DPP6: variants seen among roughly 807,000 people sequenced by gnomAD.
DPP6 encodes the protein A-type potassium channel modulatory protein DPP6.
A neutral mutation model predicts 122.6 loss-of-function variants in DPP6; 69 were observed. The observed-to-expected ratio is 0.56, with a 90% confidence interval of 0.46 to 0.69. The LOEUF (loss-of-function observed/expected upper bound fraction) is 0.69. Ranked by LOEUF, DPP6 falls within the 30% of genes least tolerant of loss-of-function variation. The pLI, the probability that DPP6 is intolerant of heterozygous loss-of-function variation, is 0.00. For synonymous variants in DPP6, 418 were observed against 433.1 expected, an observed-to-expected ratio of 0.97 and a Z score of 0.43; for missense variants, 928 against 1,116.9, an observed-to-expected ratio of 0.83 and a Z score of 2.41.
chr7:154,887,479 G>A (rs949302126), intron 22 of DPP6, among the ~76,000 whole-genome samples, 197 bp from the exon 23 acceptor site: 1 of 152,134 alleles, frequency 6.6e-6, no homozygotes, highest in Non-Finnish European at 1.5e-5. Flanking sequence ...CCGTTGTACC[G>A]CCTGATGCCC....
At chr7:154,209,550 A>C (rs901908866) in intron 1 of DPP6, among the ~76,000 whole-genome samples, 1 of 97,626 alleles carries the variant, frequency 1.0e-5, no homozygotes, top group Admixed American at 1.2e-4. Context: ...AGTTAAAAAA[A>C]AAAAACAAAA....
chr7:153,848,771 C>T, the DPP6 span, among the ~76,000 whole-genome samples: 1 of 152,122 alleles, frequency 6.6e-6, no homozygotes, highest in Non-Finnish European at 1.5e-5. Context: ...TATATCAATC[C>T]TTTAAGGTTT....
Position 153,920,084 on chromosome 7 carries a change from G to A in DPP6, c.51+32350G>A, listed in dbSNP as rs1484766136. ...ATGTACCTCATGGAAATCAAGTGAG[G>A]TAATGCAAAGAACATGAAATCCACA... On this transcript the variant is annotated intron_variant, in intron 1 of 25. Coordinates refer to the DPP6 transcript ENST00000404039. 2.0e-5 allele frequency among the ~76,000 whole-genome samples: 3 copies of A among 152,314 alleles called. No individual in the cohort carries two copies. In the South Asian group the frequency reaches 6.2e-4, roughly 32 times the overall value.
chr7:153,750,036 G>A, the DPP6 span, among the ~76,000 whole-genome samples: 5,491 of 144,330 alleles, frequency 0.038, no homozygotes, highest in African/African-American at 0.15. Flanking sequence ...TCTACTTGTT[G>A]GGGTTTGGGG....
chr7:153,937,181 T>G (rs1167861698), intron 1 of DPP6, among the ~76,000 whole-genome samples: 1 of 152,106 alleles, frequency 6.6e-6, no homozygotes, highest in African/African-American at 2.4e-5. Context: ...GGGCCACCCT[T>G]AGGATAGCCA....
At chr7:154,639,733 C>A (rs1409500458) in intron 6 of DPP6, among the ~76,000 whole-genome samples, 1 of 152,150 alleles carries the variant, frequency 6.6e-6, no homozygotes, top group Admixed American at 6.6e-5. Context: ...TTATAGATGA[C>A]CCCAACACGG....
rs1804794467 is a variant in DPP6, at chr7:154,875,768, A to G, written c.1884-138A>G. 7 of 1,283,010 alleles carry G rather than the reference A, an allele frequency of 5.5e-6. No homozygotes were observed. The highest frequency in any genetic ancestry group is 1.1e-6 in the Non-Finnish European group (1 of 948,906). 79.5% of individuals were successfully genotyped at this position (1,283,010 alleles called of 1,614,324 possible). A position where few individuals can be genotyped will look rare whatever the true frequency, so the allele number is the denominator to read the frequency against. ...TGGCTCACCTGCCCGGGGCAACAGA[A>G]TCTGGGGTATGGAGTTGAGCGTGTG... On this transcript the variant is annotated intron_variant, in intron 19 of 25. Coordinates refer to ENST00000377770, the MANE Select transcript of DPP6 (RefSeq NM_130797.4). This position sits in a 1 kb window ranked among gnomAD's most constrained non-coding sequence, Gnocchi z 4.5.
chr7:154,787,504 G>A (rs58304361), intron 10 of DPP6, among the ~76,000 whole-genome samples: 1,616 of 152,172 alleles, frequency 0.011, 23 homozygotes, highest in African/African-American at 0.036. Context: ...CCAGAAATAC[G>A]CTTATTATTA....
intron 1 of DPP6, chr7:154,305,526 G>A (rs1806257205): frequency 6.2e-7 from 1 of 1,604,530 alleles, no homozygotes; most frequent in Non-Finnish European, 8.5e-7. Context: ...AGCGCTTCGG[G>A]GAAATCCGTG....
chr7:154,127,631 A>ACACACACG (rs1490857492), intron 1 of DPP6, among the ~76,000 whole-genome samples: 9 of 103,808 alleles, frequency 8.7e-5, no homozygotes, highest in African/African-American at 3.7e-4. Flanking sequence ...ACACACACAC[A>ACACACACG]CAGACACACA....
chr7:154,496,412 A>G (rs1309662244), intron 3 of DPP6, among the ~76,000 whole-genome samples: 1 of 152,218 alleles, frequency 6.6e-6, no homozygotes, highest in Non-Finnish European at 1.5e-5. Flanking sequence ...CAGAGACTTA[A>G]GATTTTTTTT....
intron 3 of DPP6, among the ~76,000 whole-genome samples, chr7:154,482,853 T>TGTCGA (rs138808863): frequency 0.061 from 9,335 of 152,172 alleles, 484 homozygotes; most frequent in African/African-American, 0.14. Context: ...AAGAGAGCAC[T>TGTCGA]GTCAAGGCTG....
chr7:154,270,435 T>G (rs1281724313), intron 1 of DPP6, among the ~76,000 whole-genome samples: 2 of 151,946 alleles, frequency 1.3e-5, no homozygotes, highest in African/African-American at 2.4e-5. Flanking sequence ...GTTGGCAGAG[T>G]AACAACATGA....
intron 1 of DPP6, among the ~76,000 whole-genome samples, chr7:154,286,968 A>G (rs547655529): frequency 6.0e-4 from 91 of 152,164 alleles, no homozygotes; most frequent in African/African-American, 2.2e-3. Flanking sequence ...ATGCCCGGCT[A>G]ATTTTTGTAT....
intron 1 of DPP6, among the ~76,000 whole-genome samples, chr7:153,911,431 C>T (rs922994199): frequency 3.3e-5 from 5 of 152,200 alleles, no homozygotes; most frequent in African/African-American, 1.2e-4. Flanking sequence ...AGGCTTCACT[C>T]TCAGGGATCT....
intron 1 of DPP6, among the ~76,000 whole-genome samples, chr7:154,362,926 CA>C (rs1811857258): frequency 6.6e-6 from 1 of 152,214 alleles, no homozygotes; most frequent in Non-Finnish European, 1.5e-5. Context: ...CTGCACCAAC[CA>C]TCACTGCAGT....
At chr7:154,774,967 G>C (rs994021151) in intron 10 of DPP6, among the ~76,000 whole-genome samples, 4 of 152,230 alleles carry the variant, frequency 2.6e-5, no homozygotes, top group Non-Finnish European at 5.9e-5. Context: ...CCATGCTACT[G>C]ACATTTGGGG....
chr7:154,085,753 A>C (rs897772196), intron 1 of DPP6, among the ~76,000 whole-genome samples: 1 of 152,158 alleles, frequency 6.6e-6, no homozygotes. Flanking sequence ...TTTGAGATGG[A>C]GTCTCATACT....
intron 5 of DPP6, among the ~76,000 whole-genome samples, chr7:154,612,504 G>A (rs565906001): frequency 2.4e-4 from 36 of 152,244 alleles, no homozygotes; most frequent in Non-Finnish European, 3.4e-4. Flanking sequence ...TTTTTATTGC[G>A]GAGTAATATT....
Sources: gnomAD v4.1 joint callset for allele counts (sites outside exome capture counted in the v4.1 genomes callset) on GRCh38, gnomAD v4.1.1 for gene constraint, Gnocchi (gnomAD v3.1) non-coding constraint, MANE v1.5 for transcripts, NCBI Gene and HGNC (gene_info 2026-07-23, HGNC 2026-07-21) for gene names.